The following ACTR3C variants were observed in gnomAD, a reference collection of about 807,000 sequenced individuals.
The protein encoded by ACTR3C is actin related protein 3C.
A neutral mutation model predicts 26.3 loss-of-function variants in ACTR3C; 18 were observed. That is an observed-to-expected ratio of 0.68 (90% CI 0.47 to 1.01). The LOEUF is 1.01. Ranked by LOEUF, ACTR3C falls within the 50% of genes least tolerant of loss-of-function variation. ACTR3C has a pLI of 0.00. For synonymous variants in ACTR3C, 55 were observed against 94.5 expected, an observed-to-expected ratio of 0.58 and a Z score of 2.42; for missense variants, 184 against 250.7, an observed-to-expected ratio of 0.73 and a Z score of 1.80.
At chr7:150,255,179 C>T (rs1040329298) in intron 6 of ACTR3C, among the ~76,000 whole-genome samples, 9 of 150,790 alleles carry the variant, frequency 6.0e-5, no homozygotes, top group Non-Finnish European at 8.8e-5. Flanking sequence ...GAAGGAAATG[C>T]TCCTTGCTGG....
the ACTR3C span, among the ~76,000 whole-genome samples, chr7:150,185,766 C>T: frequency 4.0e-5 from 6 of 151,898 alleles, no homozygotes; most frequent in Admixed American, 3.3e-4. Context: ...TCACATGGAC[C>T]GATCTGGAAA....
the ACTR3C span, among the ~76,000 whole-genome samples, chr7:150,192,720 A>T: frequency 3.9e-5 from 6 of 152,242 alleles, no homozygotes; most frequent in Non-Finnish European, 7.3e-5. Context: ...CTTAGGTCAC[A>T]TTTGGCAAGC....
chr7:149,883,504 C>T, the ACTR3C span, among the ~76,000 whole-genome samples: 9 of 152,130 alleles, frequency 5.9e-5, no homozygotes, highest in African/African-American at 1.4e-4. Context: ...TTGGAGGCCA[C>T]GCTGAGACAG....
chr7:150,039,311 A>AG, the ACTR3C span, among the ~76,000 whole-genome samples: 86 of 145,870 alleles, frequency 5.9e-4, no homozygotes, highest in Admixed American at 1.0e-3. Context: ...ACCAACAGCC[A>AG]GGGGCGGAAG....
the ACTR3C span, among the ~76,000 whole-genome samples, chr7:150,220,726 G>T: frequency 2.6e-4 from 39 of 152,276 alleles, no homozygotes; most frequent in African/African-American, 9.2e-4. Flanking sequence ...ACCCGCGAAA[G>T]CCAGGGAGTC....
At chr7:150,082,777 C>G in the ACTR3C span, among the ~76,000 whole-genome samples, 67 of 151,956 alleles carry the variant, frequency 4.4e-4, no homozygotes, top group Middle Eastern at 3.4e-3. Context: ...TTTGTATTTA[C>G]GAATTCCTTA....
chr7:150,080,762 A>C, the ACTR3C span, among the ~76,000 whole-genome samples: 1 of 152,148 alleles, frequency 6.6e-6, no homozygotes, highest in African/African-American at 2.4e-5. Flanking sequence ...CTCTTATATG[A>C]GCTCCAAGAA....
intron 4 of ACTR3C, among the ~76,000 whole-genome samples, chr7:150,289,129 T>C (rs1350056955): frequency 6.6e-6 from 1 of 152,038 alleles, no homozygotes; most frequent in Admixed American, 6.5e-5. Flanking sequence ...CAGCGAAGCA[T>C]GGAGGCAGTA....
chr7:149,968,242 G>A, the ACTR3C span, among the ~76,000 whole-genome samples: 1 of 152,152 alleles, frequency 6.6e-6, no homozygotes, highest in Admixed American at 6.6e-5. Flanking sequence ...TTTTGTAAAT[G>A]TATTTTTTAA....
chr7:150,085,711 G>A, the ACTR3C span, among the ~76,000 whole-genome samples: 1 of 152,090 alleles, frequency 6.6e-6, no homozygotes, highest in Non-Finnish European at 1.5e-5. Flanking sequence ...GACCCAGAAG[G>A]AATGAGTTTA....
chr7:150,276,481 G>A (rs1304304991), intron 6 of ACTR3C, among the ~76,000 whole-genome samples: 2 of 152,202 alleles, frequency 1.3e-5, no homozygotes. Flanking sequence ...TTTTACTGCT[G>A]AACTGAACCC....
chr7:150,255,134 C>T lies in ACTR3C; in HGVS notation c.565-6080G>A, dbSNP rs562839054. Among the ~76,000 whole-genome samples, 15 of 151,564 alleles carry T rather than the reference C, an allele frequency of 9.9e-5. No homozygotes were observed. In the East Asian group the frequency reaches 2.3e-3, roughly 23 times the overall value. On this transcript the variant is annotated intron_variant, in intron 6 of 7. Transcript: ENST00000683684. Reference sequence around the variant, plus strand: ...TGCTCCAAAAGTCACAGCGTAAGAACATGTCCTAATTCCCTGTAGATTGCG... The same window carrying T: ...TGCTCCAAAAGTCACAGCGTAAGAATATGTCCTAATTCCCTGTAGATTGCG...
chr7:149,992,726 C>A, the ACTR3C span, among the ~76,000 whole-genome samples: 1 of 152,174 alleles, frequency 6.6e-6, no homozygotes, highest in Admixed American at 6.5e-5. Flanking sequence ...CAGGAATCTC[C>A]AGAGGGACAG....
the ACTR3C span, among the ~76,000 whole-genome samples, chr7:150,099,283 A>G: frequency 6.6e-6 from 1 of 151,846 alleles, no homozygotes; most frequent in Non-Finnish European, 1.5e-5. Flanking sequence ...ATAGTTGGAC[A>G]TCACCAAGTC....
At chr7:149,984,860 G>A in the ACTR3C span, among the ~76,000 whole-genome samples, 1 of 152,164 alleles carries the variant, frequency 6.6e-6, no homozygotes, top group Non-Finnish European at 1.5e-5. Flanking sequence ...ATTGGAAAAT[G>A]TCGCTTCTGT....
chr7:150,120,346 T>C, the ACTR3C span, among the ~76,000 whole-genome samples: 1 of 151,960 alleles, frequency 6.6e-6, no homozygotes, highest in South Asian at 2.1e-4. Context: ...ACCAGTCTAA[T>C]AAAGAAGAAA....
the ACTR3C span, among the ~76,000 whole-genome samples, chr7:150,097,566 G>A: frequency 6.6e-6 from 1 of 151,472 alleles, no homozygotes; most frequent in Admixed American, 6.6e-5. Context: ...CTAACCTTTT[G>A]GAAGTCTCAA....
At chr7:150,094,065 G>A in the ACTR3C span, among the ~76,000 whole-genome samples, 1 of 150,466 alleles carries the variant, frequency 6.6e-6, no homozygotes, top group Non-Finnish European at 1.5e-5. Flanking sequence ...CCAGCTGTCC[G>A]TGCAGAGCTC....
the ACTR3C span, chr7:150,040,649 C>T: frequency 2.4e-4 from 35 of 146,142 alleles, 2 homozygotes; most frequent in Admixed American, 1.3e-3. Flanking sequence ...GTAAATCCCA[C>T]GCAAGGTACC....
Sources: gnomAD v4.1 joint callset for allele counts (sites outside exome capture counted in the v4.1 genomes callset) on GRCh38, gnomAD v4.1.1 for gene constraint, MANE v1.5 for transcripts, NCBI Gene and HGNC (gene_info 2026-07-23, HGNC 2026-07-21) for gene names.